Variants in RUNX1 observed in about 807,000 individuals in gnomAD.
RUNX1 encodes runt-related transcription factor 1.
Under a neutral mutation model 42.8 loss-of-function variants are expected in RUNX1, and 19 were observed. The observed-to-expected ratio is 0.44, with a 90% CI of 0.31 to 0.65. RUNX1 has a LOEUF of 0.65. RUNX1 is among the 30% of genes least tolerant of loss of function. RUNX1 has a pLI of 0.07. For synonymous variants in RUNX1, 271 were observed against 289.4 expected, an observed-to-expected ratio of 0.94 and a Z score of 0.64; for missense variants, 528 against 672.0, an observed-to-expected ratio of 0.79 and a Z score of 2.37.
intron 2 of RUNX1, among the ~76,000 whole-genome samples, chr21:35,021,401 T>C (rs1240819280): frequency 1.3e-5 from 2 of 152,176 alleles, no homozygotes; most frequent in East Asian, 3.9e-4. Context: ...TTTTTCTCTA[T>C]CAGGGAAAAT....
In RUNX1 at chr21:34,792,410, G is replaced by C; in HGVS notation, c.1168C>G (p.Gln390Glu). ...YLPPPYPGSS[Q>E]AQGGPFQASS... ...GCTTGGAACGGGCCTCCCTGCGCTT[G>C]CGACGAGCCGGGGTAGGGCGGCGGC... Residue 390 changes from glutamine (Q) to glutamate (E), a missense_variant, in exon 9 of 9, where the codon CAA becomes GAA. Physicochemically the swap from Gln to Glu is conservative, Grantham distance 29. Around this residue, in one of 3 missense-constraint regions of RUNX1, gnomAD observed 331 missense variants for 382.5 expected, o/e 0.87. Coordinates refer to ENST00000675419, the MANE Select transcript of RUNX1 (RefSeq NM_001754.5). This position sits in a 1 kb window ranked among gnomAD's most constrained non-coding sequence, Gnocchi z 6.9. 1 of 1,567,932 alleles carries C rather than the reference G, an allele frequency of 6.4e-7. No homozygotes were observed. The highest frequency in any genetic ancestry group is 8.6e-7 in the Non-Finnish European group (1 of 1,156,532).
rs951926589 is a variant in RUNX1 at position 34,788,793 on chromosome 21, A to G, written c.*3342T>C. 8.6e-6 allele frequency: 2 copies of G among 233,506 alleles called. No homozygotes were observed. The highest frequency in any genetic ancestry group is 4.4e-5 in the African/African-American group (2 of 45,354). The allele number at this position is 233,506 out of a possible 1,614,324, so 14.5% of individuals were successfully genotyped here. A position where few individuals can be genotyped will look rare whatever the true frequency, so the allele number is the denominator to read the frequency against. On this transcript the variant is annotated 3_prime_UTR_variant, in exon 9 of 9. Coordinates refer to ENST00000675419, the MANE Select transcript of RUNX1 (RefSeq NM_001754.5). ...ACAAAAAGGCATTTTGTTCAGATGTAAAATATGTTTTGTGAGATTATTGTC... is the reference window on the plus strand; with the variant it reads ...ACAAAAAGGCATTTTGTTCAGATGTGAAATATGTTTTGTGAGATTATTGTC...
intron 3 of RUNX1, chr21:34,888,489 G>A: frequency 9.4e-7 from 1 of 1,066,102 alleles, no homozygotes; most frequent in Non-Finnish European, 1.1e-6. Context: ...AATTCAAAAG[G>A]AAGAAAGGGG....
chr21:34,821,469 G>A, intron 7 of RUNX1: 2 of 1,414,036 alleles, frequency 1.4e-6, no homozygotes, highest in East Asian at 2.5e-5. Flanking sequence ...TGTCCCATGT[G>A]TTAGGAACTA....
At chr21:34,989,475 G>T (rs1015678890) in intron 2 of RUNX1, among the ~76,000 whole-genome samples, 1 of 152,068 alleles carries the variant, frequency 6.6e-6, no homozygotes, top group Non-Finnish European at 1.5e-5. Flanking sequence ...TAGGAGGTGT[G>T]GGGGAGGAAG....
At position 34,937,801 on chromosome 21, in the gene RUNX1, C is replaced by T. The variant is rs1272250673; in HGVS notation, c.59-44838G>A. Among the ~76,000 whole-genome samples, 5 of 152,172 alleles carry T rather than the reference C, an allele frequency of 3.3e-5. No homozygotes were observed. In the East Asian group the frequency reaches 9.6e-4, roughly 29 times the overall value. On this transcript the variant is annotated intron_variant, in intron 2 of 8. Transcript: ENST00000675419. ...ACCCAGTGATCCTAGTTTTCTCCTG[C>T]CTTTCCGGAGATTTTCAACAGAAAA...
At chr21:34,874,610 C>CAAAAAAAAAAAAAAAAAAAAAAAAAAAAA (rs59950735) in intron 5 of RUNX1, among the ~76,000 whole-genome samples, 1 of 25,298 alleles carries the variant, frequency 4.0e-5, no homozygotes, top group Non-Finnish European at 6.4e-5. Context: ...AACTCTGTCT[C>CAAAAAAAAAAAAAAAAAAAAAAAAAAAAA]AAAAAAAAAA....
In RUNX1 at chr21:35,036,705, G is replaced by T. The variant is rs114629168; in HGVS notation, c.58+12137C>A. ...CATTCTCAAAGGCCAACCAGTAGGC[G>T]TGTGCATCTCAACTCTTGTTATGCC... On this transcript the variant is annotated intron_variant, in intron 2 of 8. Transcript: ENST00000675419. Among the ~76,000 whole-genome samples, 1,499 of 152,314 alleles carry T rather than the reference G, an allele frequency of 9.8e-3. 18 individuals carry two copies. Among genetic ancestry groups the T allele is most frequent in the African/African-American group, 0.03 (1,267 of 41,560 alleles).
At chr21:35,000,560 A>T (rs1050233168) in intron 2 of RUNX1, among the ~76,000 whole-genome samples, 4 of 152,190 alleles carry the variant, frequency 2.6e-5, no homozygotes, top group African/African-American at 7.2e-5. Context: ...TTCATCAGGC[A>T]CTAAAGCTTA....
At chr21:34,908,014 C>T (rs1447702717) in intron 2 of RUNX1, among the ~76,000 whole-genome samples, 1 of 152,114 alleles carries the variant, frequency 6.6e-6, no homozygotes, top group Non-Finnish European at 1.5e-5. Context: ...TGTGGTCCAC[C>T]CCCATGCTCT....
chr21:35,005,819 G>A (rs1201017134), intron 2 of RUNX1, among the ~76,000 whole-genome samples: 3 of 152,202 alleles, frequency 2.0e-5, no homozygotes, highest in Admixed American at 2.0e-4. Context: ...GCCAGTGTCA[G>A]GTGAGTATGG....
At chr21:34,973,608 A>G (rs1039482807) in intron 2 of RUNX1, among the ~76,000 whole-genome samples, 11 of 152,178 alleles carry the variant, frequency 7.2e-5, no homozygotes, top group African/African-American at 2.7e-4. Context: ...ATCCTCCTAT[A>G]AATCTGCTTG....
At chr21:34,823,864 A>C (rs1408039769) in intron 7 of RUNX1, among the ~76,000 whole-genome samples, 1 of 152,210 alleles carries the variant, frequency 6.6e-6, no homozygotes, top group Non-Finnish European at 1.5e-5. Context: ...CCAGGAAAGA[A>C]AGTAGGGAAT....
intron 3 of RUNX1, chr21:34,888,564 T>G: frequency 9.4e-7 from 1 of 1,062,216 alleles, no homozygotes; most frequent in Non-Finnish European, 1.1e-6. Flanking sequence ...CAGCAGAGGT[T>G]GACTTCCTTC....
chr21:34,876,959 C>A (rs755257099), intron 5 of RUNX1, among the ~76,000 whole-genome samples: 2 of 152,096 alleles, frequency 1.3e-5, no homozygotes, highest in Non-Finnish European at 2.9e-5. Context: ...TGGGTTCAAG[C>A]GATTCTCCTG....
At chr21:34,888,325 C>G (rs148801505) in intron 3 of RUNX1, 1 of 1,067,514 alleles carries the variant, frequency 9.4e-7, no homozygotes, top group African/African-American at 1.6e-5. Context: ...TACACACGCA[C>G]GCACATCCTG....
At chr21:34,910,165 T>C (rs2058260690) in intron 2 of RUNX1, among the ~76,000 whole-genome samples, 1 of 152,158 alleles carries the variant, frequency 6.6e-6, no homozygotes, top group Non-Finnish European at 1.5e-5. Flanking sequence ...TCCCAGTGGG[T>C]TCTCAGACTT....
chr21:34,896,491 T>C (rs905178478), intron 2 of RUNX1, among the ~76,000 whole-genome samples: 1 of 152,208 alleles, frequency 6.6e-6, no homozygotes, highest in African/African-American at 2.4e-5. Flanking sequence ...GAGACCAGCC[T>C]GACCAACATG....
At chr21:34,813,179 T>A (rs2056779853) in intron 7 of RUNX1, among the ~76,000 whole-genome samples, 1 of 152,120 alleles carries the variant, frequency 6.6e-6, no homozygotes, top group Admixed American at 6.6e-5. Context: ...GCTACTGTCA[T>A]CTAGTACGTG....
Sources: gnomAD v4.1 joint callset for allele counts (sites outside exome capture counted in the v4.1 genomes callset) on GRCh38, gnomAD v4.1.1 for gene constraint, gnomAD v4.1.1 regional missense constraint, Gnocchi (gnomAD v3.1) non-coding constraint, MANE v1.5 for transcripts, NCBI Gene and HGNC (gene_info 2026-07-23, HGNC 2026-07-21) for gene names.